Variants in MTF2 observed in about 807,000 individuals in gnomAD.
MTF2 encodes the protein metal response element binding transcription factor 2.
A neutral mutation model predicts 79.5 loss-of-function variants in MTF2; 11 were observed. The observed-to-expected ratio is 0.14, with a 90% CI of 0.09 to 0.23. The LOEUF (loss-of-function observed/expected upper bound fraction) is 0.23, where lower values mean the gene tolerates loss of function less well. Among genes scored for constraint, MTF2 ranks in the 10% least tolerant of loss-of-function variants. MTF2 has a pLI of 1.00. For synonymous variants in MTF2, 208 were observed against 232.8 expected (o/e 0.89, Z 0.97); for missense variants, 486 against 711.2 (o/e 0.68, Z 3.60).
intron 9 of MTF2, 40 bp from the exon 10 acceptor site, chr1:93,127,192 G>T: frequency 5.0e-6 from 7 of 1,412,152 alleles, no homozygotes; most frequent in Middle Eastern, 1.8e-4. Context: ...ACTAATTGAT[G>T]AAATTGTAGT....
At chr1:93,124,607 G>C (rs1371942669) in intron 9 of MTF2, among the ~76,000 whole-genome samples, 1 of 152,010 alleles carries the variant, frequency 6.6e-6, no homozygotes, top group African/African-American at 2.4e-5. Flanking sequence ...ATATACAATA[G>C]AGGTGGAATA....
At chr1:93,120,332 A>G (rs1009203777) in intron 8 of MTF2, 4 of 301,086 alleles carry the variant, frequency 1.3e-5, no homozygotes, top group African/African-American at 4.5e-5. Flanking sequence ...GAAGTAATTC[A>G]TATATCTTCT....
At chr1:93,128,001 G>GT (rs1338956517) in intron 10 of MTF2, among the ~76,000 whole-genome samples, 1 of 151,902 alleles carries the variant, frequency 6.6e-6, no homozygotes, top group East Asian at 1.9e-4. Flanking sequence ...GAAATTGATA[G>GT]TATTTCTTCA....
intron 1 of MTF2, among the ~76,000 whole-genome samples, chr1:93,100,364 G>A (rs547216386): frequency 6.6e-6 from 1 of 152,276 alleles, no homozygotes; most frequent in South Asian, 2.1e-4. Context: ...GAGTGCAGTG[G>A]CATGATCTCC....
At chr1:93,115,882 G>C (rs1656229474) in intron 6 of MTF2, among the ~76,000 whole-genome samples, 1 of 152,088 alleles carries the variant, frequency 6.6e-6, no homozygotes, top group Non-Finnish European at 1.5e-5. Flanking sequence ...TAACTATTGA[G>C]GGAAAACATT....
At chr1:93,089,014 T>G (rs1654966505) in intron 1 of MTF2, among the ~76,000 whole-genome samples, 1 of 152,192 alleles carries the variant, frequency 6.6e-6, no homozygotes, top group Non-Finnish European at 1.5e-5. Context: ...TATCGTACAT[T>G]TTAAGATATT....
In MTF2 at chr1:93,121,862, C is replaced by T. The variant is rs146772470; in HGVS notation, c.921+1190C>T. ...TGTCACCCAGGCTGGAGTGCAATGG[C>T]GTGATCTCAGCTCACCGCAACCTCC... On this transcript the variant is annotated intron_variant, in intron 9 of 14. Transcript: ENST00000370298. The T allele has an allele frequency of 2.5e-3, 1,353 of 530,846 alleles. 49 individuals carry two copies. The East Asian group carries it at 0.12, about 47-fold the overall frequency. The allele number at this position is 530,846 out of a possible 1,614,324, so 32.9% of individuals were successfully genotyped here. A position where few individuals can be genotyped will look rare whatever the true frequency, so the allele number is the denominator to read the frequency against.
chr1:93,137,173 A>G lies in MTF2; in HGVS notation c.*146A>G, dbSNP rs1647437398. On this transcript the variant is annotated 3_prime_UTR_variant, in exon 15 of 15. Transcript: ENST00000370298. ...AAAAGGGGATGATACTAGCCTTAAC[A>G]TGTACCTGTCAATGTTATGGATATT... is the stretch of plus-strand genomic sequence containing the variant. The G allele has an allele frequency of 1.7e-6, 1 of 586,466 alleles. No homozygotes were observed. The highest frequency in any genetic ancestry group is 1.8e-5 in the African/African-American group (1 of 54,146). 36.3% of individuals were successfully genotyped at this position (586,466 alleles called of 1,614,324 possible). A position where few individuals can be genotyped will look rare whatever the true frequency, so the allele number is the denominator to read the frequency against.
chr1:93,107,701 T>A (rs1655855583), intron 1 of MTF2, among the ~76,000 whole-genome samples: 1 of 73,184 alleles, frequency 1.4e-5, no homozygotes, highest in South Asian at 7.2e-4. Flanking sequence ...ATATTGACCT[T>A]AATTACCATT....
intron 1 of MTF2, among the ~76,000 whole-genome samples, chr1:93,081,943 A>G (rs1654621210): frequency 1.3e-5 from 2 of 152,234 alleles, no homozygotes; most frequent in African/African-American, 4.8e-5. Context: ...GAATCCAAGG[A>G]TGAGGAAATG....
At chr1:93,087,681 A>G (rs1654904285) in intron 1 of MTF2, among the ~76,000 whole-genome samples, 1 of 152,230 alleles carries the variant, frequency 6.6e-6, no homozygotes, top group South Asian at 2.1e-4. Context: ...TAAATCTGAA[A>G]ATATTCTTGG....
At position 93,136,677 on chromosome 1, in the gene MTF2, G is replaced by C. The variant is rs747172805; in HGVS notation, c.1432G>C (p.Asp478His). 2.4e-5 allele frequency: 38 copies of C among 1,612,212 alleles called. No individual in the cohort carries two copies. Among genetic ancestry groups the C allele is most frequent in the Non-Finnish European group, 3.1e-5 (37 of 1,179,260 alleles). ...SSISRHYGLS[D>H]SRKRTRTGRS... ...GCCTTCTCTGTTACATAGATTATCT[G>C]ACTCCAGAAAAAGAACGCGTACAGG... The change falls in exon 15 of 15, where the codon GAC (aspartate) becomes CAC (histidine). Residue 478 changes from aspartate to histidine, a missense_variant. Asp to His is a moderately conservative substitution (Grantham distance 81, BLOSUM62 -1). Transcript: ENST00000370298.
intron 9 of MTF2, 200 bp downstream of exon 9, chr1:93,120,872 C>A: frequency 7.9e-7 from 1 of 1,268,154 alleles, no homozygotes; most frequent in Non-Finnish European, 9.9e-7. Flanking sequence ...CCTGTTGACT[C>A]TGGAAATTTG....
chr1:93,130,535 C>G (rs533518552), intron 11 of MTF2, among the ~76,000 whole-genome samples: 3 of 152,162 alleles, frequency 2.0e-5, no homozygotes, highest in South Asian at 4.2e-4. Context: ...CGAGATCGTG[C>G]CACTGCACTC....
chr1:93,086,349 C>A (rs574484704), intron 1 of MTF2, among the ~76,000 whole-genome samples: 2 of 152,018 alleles, frequency 1.3e-5, no homozygotes, highest in African/African-American at 2.4e-5. Context: ...ACTAAAAATA[C>A]AAAAAATTTA....
chr1:93,094,056 CGTA>C (rs1655182321), intron 1 of MTF2, among the ~76,000 whole-genome samples: 2 of 152,070 alleles, frequency 1.3e-5, no homozygotes, highest in African/African-American at 4.8e-5. Flanking sequence ...TCTTTGTAAA[CGTA>C]GTATCTTTGT....
Position 93,087,091 on chromosome 1 carries a change from A to T in MTF2, c.5+7560A>T, listed in dbSNP as rs140923904. Among the ~76,000 whole-genome samples, 531 of 152,298 alleles carry T rather than the reference A, an allele frequency of 3.5e-3. 6 individuals carry two copies. Among genetic ancestry groups the T allele is most frequent in the African/African-American group, 0.012 (500 of 41,566 alleles). On this transcript the variant is annotated intron_variant, in intron 1 of 14. Transcript: ENST00000370298. The stretch of plus-strand genomic sequence containing the variant: ...TGACTACAACCTGTTACGAGGTCAG[A>T]TGTGGAATTTTTCATGTGTGGTTGA...
chr1:93,092,530 T>C (rs1453176345), intron 1 of MTF2, among the ~76,000 whole-genome samples: 1 of 152,210 alleles, frequency 6.6e-6, no homozygotes, highest in Non-Finnish European at 1.5e-5. Context: ...CTTTTAACCC[T>C]TAGCTAATTC....
At position 93,118,260 on chromosome 1, in the gene MTF2, A is replaced by C. The variant is rs922889572; in HGVS notation, c.633-85A>C. On this transcript the variant is annotated intron_variant, in intron 6 of 14. Coordinates refer to ENST00000370298, the MANE Select transcript of MTF2 (RefSeq NM_007358.4). ...TTAGAACAGTATTGTGGATTAGGCC[A>C]CTTTTTTTTTTTTTTTTTTTAAAGA... 9.0e-4 allele frequency: 553 copies of C among 611,068 alleles called. 2 individuals are homozygous for C. The African/African-American group carries it at 0.014, about 16-fold the overall frequency. The allele number at this position is 611,068 out of a possible 1,614,324, so 37.9% of individuals were successfully genotyped here.
Sources: gnomAD v4.1 joint callset for allele counts (sites outside exome capture counted in the v4.1 genomes callset) on GRCh38, gnomAD v4.1.1 for gene constraint, MANE v1.5 for transcripts, NCBI Gene and HGNC (gene_info 2026-07-23, HGNC 2026-07-21) for gene names.